Variants in PPP2R2B observed in about 807,000 individuals in gnomAD.
PPP2R2B encodes protein phosphatase 2 regulatory subunit Bbeta.
A neutral mutation model predicts 46.0 loss-of-function variants in PPP2R2B; 5 were observed. The ratio of observed to expected loss-of-function variants is 0.11; its 90% CI spans 0.06 to 0.23. The LOEUF (loss-of-function observed/expected upper bound fraction) is 0.23. PPP2R2B is among the 10% of genes least tolerant of loss of function. The probability of loss-of-function intolerance (pLI) is 1.00; values close to 1 mark genes in which losing one functional copy is unlikely to be tolerated. For missense variants in PPP2R2B, 367 were observed against 575.0 expected (o/e 0.64, Z 3.70); for synonymous variants, 215 against 206.7 (o/e 1.04, Z -0.34).
chr5:146,806,974 C>T (rs1459733535), intron 2 of PPP2R2B, among the ~76,000 whole-genome samples: 2 of 152,148 alleles, frequency 1.3e-5, no homozygotes, highest in African/African-American at 4.8e-5. Flanking sequence ...ATTTCCCTAT[C>T]TGAAAAAGAG....
chr5:146,933,574 C>A (rs191964400), intron 1 of PPP2R2B, among the ~76,000 whole-genome samples: 2 of 152,118 alleles, frequency 1.3e-5, no homozygotes, highest in East Asian at 3.9e-4. Context: ...TCTGAAATTT[C>A]TACTTCAGGG....
chr5:146,731,583 G>A (rs1431075572), intron 2 of PPP2R2B, among the ~76,000 whole-genome samples: 2 of 152,106 alleles, frequency 1.3e-5, no homozygotes, highest in Admixed American at 6.6e-5. Context: ...ATGGATCTGA[G>A]GGTCAAAGCA....
chr5:146,825,695 T>C (rs2151339945), intron 2 of PPP2R2B, among the ~76,000 whole-genome samples: 1 of 152,356 alleles, frequency 6.6e-6, no homozygotes, highest in South Asian at 2.1e-4. Context: ...TTTCTTTAAC[T>C]GTAAAAAGAG....
chr5:146,839,392 T>C (rs547306497), intron 2 of PPP2R2B, among the ~76,000 whole-genome samples: 1 of 152,244 alleles, frequency 6.6e-6, no homozygotes, highest in Admixed American at 6.5e-5. Context: ...TGGTGGCATG[T>C]GCCTGTAATC....
intron 1 of PPP2R2B, among the ~76,000 whole-genome samples, chr5:147,030,380 A>G (rs191724533): frequency 1.9e-3 from 296 of 152,278 alleles, no homozygotes; most frequent in Non-Finnish European, 3.2e-3. Flanking sequence ...TAGTTTGCCT[A>G]TAAGTACTTT....
At chr5:146,825,368 T>C (rs1372057034) in intron 2 of PPP2R2B, among the ~76,000 whole-genome samples, 3 of 152,368 alleles carry the variant, frequency 2.0e-5, no homozygotes, top group East Asian at 3.9e-4. Flanking sequence ...AAACACATAG[T>C]ATCTCCTAGT....
chr5:146,907,527 T>TC (rs1763040727), intron 1 of PPP2R2B, among the ~76,000 whole-genome samples: 1 of 152,206 alleles, frequency 6.6e-6, no homozygotes, highest in African/African-American at 2.4e-5. Flanking sequence ...TGCTGCCTGG[T>TC]CATCACCAAG....
At chr5:146,607,156 A>G (rs1772370513) in intron 7 of PPP2R2B, 1 of 152,198 alleles carries the variant, frequency 6.6e-6, no homozygotes, top group South Asian at 2.1e-4. Flanking sequence ...AATTTTTACT[A>G]TACAGAAGAC....
chr5:146,879,534 A>G (rs1249806737), upstream of PPP2R2B, among the ~76,000 whole-genome samples: 1 of 152,224 alleles, frequency 6.6e-6, no homozygotes. Flanking sequence ...ATTGAAGCAC[A>G]GAAACATAAG....
chr5:146,805,129 G>C (rs1757098482), intron 2 of PPP2R2B, among the ~76,000 whole-genome samples: 2 of 152,148 alleles, frequency 1.3e-5, no homozygotes, highest in Non-Finnish European at 2.9e-5. Context: ...TTAGCCAAAT[G>C]CTTAGATCAA....
intron 8 of PPP2R2B, among the ~76,000 whole-genome samples, chr5:146,596,355 GC>G (rs1254026676): frequency 6.6e-6 from 1 of 152,136 alleles, no homozygotes; most frequent in Non-Finnish European, 1.5e-5. Flanking sequence ...CCCAGGGCAG[GC>G]ATTATTAACT....
intron 2 of PPP2R2B, among the ~76,000 whole-genome samples, chr5:146,732,831 T>C (rs1241058040): frequency 6.6e-6 from 1 of 152,186 alleles, no homozygotes; most frequent in African/African-American, 2.4e-5. Context: ...TGACTCCACC[T>C]CCATATAGAC....
intron 6 of PPP2R2B, among the ~76,000 whole-genome samples, chr5:146,645,959 C>A (rs916926396): frequency 1.1e-4 from 16 of 152,210 alleles, no homozygotes; most frequent in Non-Finnish European, 2.2e-4. Flanking sequence ...TGTCTCCACA[C>A]CTCTTTGCCA....
chr5:146,607,701 A>G (rs908841931), intron 7 of PPP2R2B: 24 of 152,260 alleles, frequency 1.6e-4, no homozygotes, highest in African/African-American at 5.8e-4. Context: ...CAGACAGGAA[A>G]AACAGACCAA....
chr5:146,962,821 C>T (rs1340700376), intron 1 of PPP2R2B, among the ~76,000 whole-genome samples: 1 of 152,108 alleles, frequency 6.6e-6, no homozygotes, highest in Non-Finnish European at 1.5e-5. Context: ...AGAGCTGGGA[C>T]TCTAACTCAG....
chr5:146,607,033 A>C (rs1481078304), intron 7 of PPP2R2B: 2 of 152,218 alleles, frequency 1.3e-5, no homozygotes, highest in Non-Finnish European at 2.9e-5. Context: ...TAATGGGGAC[A>C]CAACTGGCAA....
Position 146,878,166 on chromosome 5 carries a change from G to A in PPP2R2B, c.-95C>T, listed in dbSNP as rs981214749. Reference sequence around the variant, plus strand: ...AGTCTCACAGGAGAGGGGGGCAGGGGAGCCAGTGGGACTGCACCATGGTCC... The same window carrying A: ...AGTCTCACAGGAGAGGGGGGCAGGGAAGCCAGTGGGACTGCACCATGGTCC... On this transcript the variant is annotated 5_prime_UTR_variant, in exon 2 of 10. Coordinates refer to ENST00000394411, the MANE Select transcript of PPP2R2B (RefSeq NM_181675.4). The surrounding 1 kb of genome is among the most constrained non-coding windows in gnomAD (Gnocchi z 4.5). The A allele has an allele frequency of 1.2e-6, 2 of 1,602,322 alleles. No homozygotes were observed. Among genetic ancestry groups the A allele is most frequent in the African/African-American group, 1.3e-5 (1 of 74,668 alleles).
chr5:146,598,904 G>C (rs920091138), intron 8 of PPP2R2B, among the ~76,000 whole-genome samples: 9 of 152,094 alleles, frequency 5.9e-5, no homozygotes, highest in Non-Finnish European at 7.4e-5. Flanking sequence ...AAATGATCTG[G>C]AATTAGATAA....
chr5:146,851,343 C>T (rs1760339148), intron 2 of PPP2R2B, among the ~76,000 whole-genome samples: 1 of 152,116 alleles, frequency 6.6e-6, no homozygotes, highest in South Asian at 2.1e-4. Context: ...CTGGGATACA[C>T]ACTAGGCAAG....
Sources: gnomAD v4.1 joint callset for allele counts (sites outside exome capture counted in the v4.1 genomes callset) on GRCh38, gnomAD v4.1.1 for gene constraint, Gnocchi (gnomAD v3.1) non-coding constraint, MANE v1.5 for transcripts, NCBI Gene and HGNC (gene_info 2026-07-23, HGNC 2026-07-21) for gene names.